ALPL: variants seen among roughly 807,000 people sequenced by gnomAD.
ALPL encodes the protein alkaline phosphatase, biomineralization associated.
Under a neutral mutation model 51.3 loss-of-function variants are expected in ALPL, and 42 were observed. That is an observed-to-expected ratio of 0.82 (90% CI 0.64 to 1.06). ALPL has a LOEUF of 1.06. Among genes scored for constraint, ALPL ranks in the 50% least tolerant of loss-of-function variants. The pLI is 0.00. For synonymous variants in ALPL, 279 were observed against 296.4 expected (o/e 0.94, Z 0.60); for missense variants, 589 against 709.4 (o/e 0.83, Z 1.93).
chr1:21,566,360 T>G (rs1267556907), intron 6 of ALPL, among the ~76,000 whole-genome samples: 1 of 152,178 alleles, frequency 6.6e-6, no homozygotes, highest in African/African-American at 2.4e-5. Context: ...CTTGGCTCAC[T>G]GCAGCCTTCA....
chr1:21,563,954 T>C, intron 5 of ALPL, 87 bp from the exon 6 acceptor site: 1 of 1,542,160 alleles, frequency 6.5e-7, no homozygotes, highest in Non-Finnish European at 8.8e-7. Flanking sequence ...GGGGCCTGTC[T>C]TTAGCGGGGA....
intron 1 of ALPL, among the ~76,000 whole-genome samples, chr1:21,524,073 G>A (rs10917005): frequency 6.5e-5 from 9 of 138,884 alleles, no homozygotes; most frequent in African/African-American, 2.5e-4. Flanking sequence ...GCGTGATCTC[G>A]GCTCACTGCC....
chr1:21,551,555 A>C (rs1007516127), intron 1 of ALPL: 2 of 152,080 alleles, frequency 1.3e-5, no homozygotes, highest in African/African-American at 4.8e-5. Context: ...GTAGAACAAA[A>C]AAAAAAATGT....
chr1:21,513,851 T>C (rs951533639), intron 1 of ALPL, among the ~76,000 whole-genome samples: 1 of 152,240 alleles, frequency 6.6e-6, no homozygotes, highest in South Asian at 2.1e-4. Flanking sequence ...CCACAGTGGC[T>C]GGAGCTGATT....
Position 21,564,150 on chromosome 1 carries a change from T to C in ALPL, c.582T>C (p.Pro194=), listed in dbSNP as rs112063292. ...GGTACTCAGACAACGAGATGCCCCC[T>C]GAGGCCTTGAGCCAGGGCTGTAAGG... ...RDWYSDNEMP[P]EALSQGCKDI... is the part of the protein sequence containing the mutation. The change falls in exon 6 of 12, where the codon CCT becomes CCC. Residue 194 remains proline, a synonymous_variant. Coordinates refer to ENST00000374840, the MANE Select transcript of ALPL (RefSeq NM_000478.6). The surrounding 1 kb of genome is among the most constrained non-coding windows in gnomAD (Gnocchi z 5.8). The C allele has an allele frequency of 1.7e-5, 27 of 1,614,034 alleles. No homozygotes were observed. In the African/African-American group the frequency reaches 2.9e-4, roughly 18 times the overall value.
At chr1:21,545,252 G>A (rs1272724015) in intron 1 of ALPL, among the ~76,000 whole-genome samples, 1 of 152,072 alleles carries the variant, frequency 6.6e-6, no homozygotes, top group African/African-American at 2.4e-5. Context: ...CTACACTTGT[G>A]CCAATCACCA....
upstream of ALPL, chr1:21,509,262 C>G (rs1285048394): frequency 1.4e-5 from 2 of 142,092 alleles, no homozygotes; most frequent in East Asian, 4.4e-4. The surrounding 1 kb of genome is among the most constrained non-coding windows in gnomAD (Gnocchi z 6.0). Flanking sequence ...GCCCTGGCCT[C>G]GTGGCACGAC....
At chr1:21,519,168 A>G (rs765635831) in intron 1 of ALPL, among the ~76,000 whole-genome samples, 23 of 152,036 alleles carry the variant, frequency 1.5e-4, no homozygotes, top group Middle Eastern at 3.2e-3. Context: ...CTTTCTCGTC[A>G]CTCTTACTTT....
intron 1 of ALPL, among the ~76,000 whole-genome samples, chr1:21,536,866 C>T (rs920681559): frequency 1.3e-4 from 19 of 149,868 alleles, no homozygotes; most frequent in Admixed American, 2.7e-4. Flanking sequence ...CTGCATTGTA[C>T]CTTTTGATTT....
chr1:21,525,453 A>G (rs1232114278), intron 1 of ALPL, among the ~76,000 whole-genome samples: 1 of 152,358 alleles, frequency 6.6e-6, no homozygotes, highest in African/African-American at 2.4e-5. Context: ...GTGGAGGAAG[A>G]AAAAGGCTGC....
In ALPL at chr1:21,509,572, G is replaced by C. The variant is rs957302508; in HGVS notation, c.-105+55G>C. ...GTTCCCCAGGGCCCCAGCGGACGTG[G>C]TCCATCCCCTTCTGCATCCTCCGCT... is the stretch of plus-strand genomic sequence containing the variant. On this transcript the variant is annotated intron_variant, in intron 1 of 11. Transcript: ENST00000374840. The surrounding 1 kb of genome is among the most constrained non-coding windows in gnomAD (Gnocchi z 6.0). The C allele has an allele frequency of 6.6e-6, 1 of 152,372 alleles. No homozygotes were observed. The highest frequency in any genetic ancestry group is 1.5e-5 in the Non-Finnish European group (1 of 68,178). 9.4% of individuals were successfully genotyped at this position (152,372 alleles called of 1,614,324 possible). A position where few individuals can be genotyped will look rare whatever the true frequency, so the allele number is the denominator to read the frequency against.
chr1:21,563,490 G>A (rs1644516263), intron 5 of ALPL, among the ~76,000 whole-genome samples: 1 of 152,178 alleles, frequency 6.6e-6, no homozygotes, highest in Non-Finnish European at 1.5e-5. Context: ...GTGGGTTCTG[G>A]TCCCAGTTCA....
At chr1:21,532,969 T>C (rs1326991315) in intron 1 of ALPL, among the ~76,000 whole-genome samples, 1 of 152,206 alleles carries the variant, frequency 6.6e-6, no homozygotes. Context: ...ATGAAGGTGT[T>C]GGGTTAGAGT....
chr1:21,528,006 T>TG (rs141432134), intron 1 of ALPL, among the ~76,000 whole-genome samples: 4,309 of 107,978 alleles, frequency 0.04, 118 homozygotes, highest in Non-Finnish European at 0.05. Context: ...TACGTGTTTT[T>TG]TTTTTTTTTG....
intron 1 of ALPL, among the ~76,000 whole-genome samples, chr1:21,514,229 C>T (rs970910714): frequency 6.6e-6 from 1 of 152,112 alleles, no homozygotes; most frequent in African/African-American, 2.4e-5. Flanking sequence ...CAAGGCTCAG[C>T]GAGTTGAGCC....
At chr1:21,557,252 T>C (rs1644425993) in intron 2 of ALPL, among the ~76,000 whole-genome samples, 1 of 152,156 alleles carries the variant, frequency 6.6e-6, no homozygotes, top group Non-Finnish European at 1.5e-5. Context: ...TCCTCCCGCT[T>C]AGGGTCATCA....
At chr1:21,560,181 A>G (rs1644464075) in intron 2 of ALPL, among the ~76,000 whole-genome samples, 1 of 152,224 alleles carries the variant, frequency 6.6e-6, no homozygotes, top group Admixed American at 6.5e-5. Flanking sequence ...ATGGCTGGCT[A>G]TATCAGGGGA....
In ALPL at chr1:21,573,672, C is replaced by T. The variant is rs779115195; in HGVS notation, c.870C>T (p.Phe290=). 21 of 1,613,670 alleles carry T rather than the reference C, an allele frequency of 1.3e-5. No individual in the cohort carries two copies. Among genetic ancestry groups the T allele is most frequent in the East Asian group, 8.9e-5 (4 of 44,854 alleles). The change falls in exon 9 of 12, where the codon TTC becomes TTT. Residue 290 remains phenylalanine (F), a synonymous_variant. Transcript: ENST00000374840. Reference sequence around the variant, plus strand: ...TCCTGGCGTCCTCCTCAGGTCTCTTCGAGCCAGGGGACATGCAGTACGAGC... The same window carrying T: ...TCCTGGCGTCCTCCTCAGGTCTCTTTGAGCCAGGGGACATGCAGTACGAGC... ...PHNVDYLLGL[F]EPGDMQYELN...
intron 1 of ALPL, among the ~76,000 whole-genome samples, chr1:21,510,557 A>G (rs913253696): frequency 6.6e-6 from 1 of 152,202 alleles, no homozygotes; most frequent in Non-Finnish European, 1.5e-5. Flanking sequence ...CTGACATCTC[A>G]TGTACATCAT....
Sources: gnomAD v4.1 joint callset for allele counts (sites outside exome capture counted in the v4.1 genomes callset) on GRCh38, gnomAD v4.1.1 for gene constraint, Gnocchi (gnomAD v3.1) non-coding constraint, MANE v1.5 for transcripts, NCBI Gene and HGNC (gene_info 2026-07-23, HGNC 2026-07-21) for gene names.